Variants in RAPGEF4 observed in about 807,000 individuals in gnomAD.
The protein encoded by RAPGEF4 is RAP guanine-nucleotide-exchange factor (GEF) 4.
RAPGEF4 carries 66 observed loss-of-function variants against 147.9 expected under a neutral mutation model. That is an observed-to-expected ratio of 0.45 (90% CI 0.37 to 0.55). The LOEUF is 0.55. Among genes scored for constraint, RAPGEF4 ranks in the 20% least tolerant of loss-of-function variants. RAPGEF4 has a pLI of 0.00. For missense variants in RAPGEF4, 1,071 were observed against 1,257.3 expected, an observed-to-expected ratio of 0.85 and a Z score of 2.24; for synonymous variants, 419 against 442.7, an observed-to-expected ratio of 0.95 and a Z score of 0.67.
At chr2:172,804,438 C>T (rs1231958752) in intron 3 of RAPGEF4, among the ~76,000 whole-genome samples, 1 of 152,170 alleles carries the variant, frequency 6.6e-6, no homozygotes, top group African/African-American at 2.4e-5. Flanking sequence ...TGTTCATTTA[C>T]AGAGCATTTC....
chr2:172,883,420 C>T (rs909699504), intron 4 of RAPGEF4, among the ~76,000 whole-genome samples: 8 of 152,130 alleles, frequency 5.3e-5, no homozygotes, highest in Non-Finnish European at 8.8e-5. Context: ...ACCTAAACAC[C>T]TCCCATTAGG....
chr2:172,994,733 G>A (rs746346600), intron 15 of RAPGEF4, among the ~76,000 whole-genome samples: 2 of 152,224 alleles, frequency 1.3e-5, no homozygotes, highest in African/African-American at 4.8e-5. Flanking sequence ...TTTCAATATC[G>A]AAAGTCATTT....
At chr2:173,001,236 A>G (rs367951562) in intron 16 of RAPGEF4, 30 bp from the exon 17 acceptor site, 3 of 1,603,386 alleles carry the variant, frequency 1.9e-6, no homozygotes, top group Non-Finnish European at 2.6e-6. Context: ...CAAGAACCTA[A>G]TTTCCTTTTC....
chr2:172,816,333 G>T (rs1688500703), intron 4 of RAPGEF4, among the ~76,000 whole-genome samples: 1 of 150,144 alleles, frequency 6.7e-6, no homozygotes, highest in Non-Finnish European at 1.5e-5. Context: ...GCATTGACTT[G>T]TTAAAAAGGC....
intron 1 of RAPGEF4, among the ~76,000 whole-genome samples, chr2:172,742,170 T>A (rs1025558524): frequency 2.6e-5 from 4 of 152,226 alleles, no homozygotes; most frequent in African/African-American, 7.2e-5. Context: ...ACCACACACA[T>A]TAAACAACTT....
rs555874835 is a variant in RAPGEF4, at chr2:172,961,159, T to C, written c.629T>C (p.Leu210Ser). Residue 210 changes from leucine (L) to serine (S), a missense_variant, in exon 8 of 31, where the codon TTA becomes TCA. Leu to Ser is a moderately radical substitution (Grantham distance 145). Coordinates refer to ENST00000397081, the MANE Select transcript of RAPGEF4 (RefSeq NM_007023.4). ...SEKILRAGKI[L>S]RNAILSRAPH... ...AAGATCCTCAGAGCTGGAAAAATTTTACGAAATGCCATTCTCTCTCGAGCA... is the reference window on the plus strand; with the variant it reads ...AAGATCCTCAGAGCTGGAAAAATTTCACGAAATGCCATTCTCTCTCGAGCA... The C allele has an allele frequency of 5.6e-6, 9 of 1,613,152 alleles. No individual in the cohort carries two copies. The highest frequency in any genetic ancestry group is 7.6e-6 in the Non-Finnish European group (9 of 1,179,204).
intron 4 of RAPGEF4, among the ~76,000 whole-genome samples, chr2:172,854,408 T>C (rs1158113106): frequency 6.6e-6 from 1 of 152,022 alleles, no homozygotes; most frequent in Non-Finnish European, 1.5e-5. Context: ...GGTTTTCTTA[T>C]GCTTTCTGTT....
chr2:172,959,900 G>T (rs1689110618), intron 6 of RAPGEF4, among the ~76,000 whole-genome samples: 1 of 152,128 alleles, frequency 6.6e-6, no homozygotes, highest in African/African-American at 2.4e-5. Context: ...GACCAGCCTG[G>T]GCAACATATC....
chr2:172,767,665 T>C (rs1378925932), intron 1 of RAPGEF4, among the ~76,000 whole-genome samples: 3 of 152,214 alleles, frequency 2.0e-5, no homozygotes, highest in African/African-American at 7.2e-5. Flanking sequence ...TATATTTCTT[T>C]TTTTATTTTC....
chr2:172,851,689 C>T (rs1481294129), intron 4 of RAPGEF4, among the ~76,000 whole-genome samples: 2 of 152,126 alleles, frequency 1.3e-5, no homozygotes, highest in African/African-American at 4.8e-5. Context: ...TGAACTAACA[C>T]AGGAACAGAA....
rs374551930 is a variant in RAPGEF4 at position 173,048,617 on chromosome 2, G to A, written c.2871G>A (p.Thr957=). 1.4e-4 allele frequency: 221 copies of A among 1,613,680 alleles called. 1 individual carries two copies. Among genetic ancestry groups the A allele is most frequent in the South Asian group, 1.6e-4 (15 of 91,040 alleles). The stretch of plus-strand genomic sequence containing the variant: ...CCTTTTAGCGCATGATTGCAAATAC[G>A]GCCAGAACAGTGAGATACTACAGGA... ...NFEKMRMIAN[T]ARTVRYYRSQ... Residue 957 remains threonine (T), a synonymous_variant, in exon 30 of 31, where the codon ACG becomes ACA. Coordinates refer to ENST00000397081, the MANE Select transcript of RAPGEF4 (RefSeq NM_007023.4).
intron 6 of RAPGEF4, 99 bp downstream of exon 6, chr2:172,922,399 C>A: frequency 1.8e-6 from 2 of 1,109,058 alleles, no homozygotes; most frequent in South Asian, 1.3e-5. Context: ...GACCCACATT[C>A]AACAGAGCAA....
intron 4 of RAPGEF4, among the ~76,000 whole-genome samples, chr2:172,832,104 A>C (rs973163466): frequency 6.6e-6 from 1 of 152,240 alleles, no homozygotes; most frequent in Non-Finnish European, 1.5e-5. Flanking sequence ...AGCAGGAATA[A>C]TAGTGTGAAA....
intron 6 of RAPGEF4, among the ~76,000 whole-genome samples, chr2:172,958,637 C>A (rs1257020591): frequency 1.3e-5 from 2 of 152,174 alleles, no homozygotes; most frequent in Non-Finnish European, 2.9e-5. Flanking sequence ...TAGAGTGATA[C>A]TTCTTGATCT....
rs2290377 is a variant in RAPGEF4 at position 173,036,311 on chromosome 2, C to T, written c.2788+99C>T. The T allele has an allele frequency of 5.5e-4, 529 of 957,642 alleles. 1 individual carries two copies. In the East Asian group the frequency reaches 0.01, roughly 18 times the overall value. 59.3% of individuals were successfully genotyped at this position (957,642 alleles called of 1,614,324 possible). A position where few individuals can be genotyped will look rare whatever the true frequency, so the allele number is the denominator to read the frequency against. On this transcript the variant is annotated intron_variant, in intron 28 of 30. Coordinates refer to ENST00000397081, the MANE Select transcript of RAPGEF4 (RefSeq NM_007023.4). ...GATTGATTACTTAGGGAAGAATGAT[C>T]GATCCCATCCTTCTGCCTTCTTTGT...
At chr2:172,862,726 C>T (rs1200951452) in intron 4 of RAPGEF4, among the ~76,000 whole-genome samples, 2 of 152,154 alleles carry the variant, frequency 1.3e-5, no homozygotes, top group Non-Finnish European at 2.9e-5. Flanking sequence ...GTGACTTGAA[C>T]ACTTGCAAGT....
At chr2:173,033,852 C>T (rs1441312389) in intron 26 of RAPGEF4, 62 bp from the exon 27 acceptor site, 2 of 1,475,276 alleles carry the variant, frequency 1.4e-6, no homozygotes, top group Non-Finnish European at 1.9e-6. Context: ...AATGGTAACC[C>T]ATGATACATA....
At chr2:172,838,653 T>C (rs1285495461) in intron 4 of RAPGEF4, among the ~76,000 whole-genome samples, 3 of 152,128 alleles carry the variant, frequency 2.0e-5, no homozygotes, top group African/African-American at 7.2e-5. Context: ...TCTCTTGGTA[T>C]GGAGGAGATT....
At chr2:172,925,091 T>C (rs1685146209) in intron 6 of RAPGEF4, among the ~76,000 whole-genome samples, 1 of 152,234 alleles carries the variant, frequency 6.6e-6, no homozygotes, top group Non-Finnish European at 1.5e-5. Context: ...GCCATTCTCC[T>C]GCCTCAGCCT....
Sources: gnomAD v4.1 joint callset for allele counts (sites outside exome capture counted in the v4.1 genomes callset) on GRCh38, gnomAD v4.1.1 for gene constraint, MANE v1.5 for transcripts, NCBI Gene and HGNC (gene_info 2026-07-23, HGNC 2026-07-21) for gene names.